KIF16B: variants seen among roughly 807,000 people sequenced by gnomAD.
KIF16B encodes the protein kinesin-like protein KIF16B.
KIF16B carries 98 observed loss-of-function variants against 156.3 expected under a neutral mutation model. The observed-to-expected ratio is 0.63, with a 90% confidence interval of 0.53 to 0.74. The LOEUF (loss-of-function observed/expected upper bound fraction) is 0.74. KIF16B is among the 30% of genes least tolerant of loss of function. The pLI is 0.00. For missense variants in KIF16B, 1,421 were observed against 1,606.5 expected, an observed-to-expected ratio of 0.88 and a Z score of 1.97; for synonymous variants, 564 against 583.7, an observed-to-expected ratio of 0.97 and a Z score of 0.49.
At chr20:16,283,431 G>A (rs2063176747) in intron 25 of KIF16B, among the ~76,000 whole-genome samples, 1 of 151,748 alleles carries the variant, frequency 6.6e-6, no homozygotes, top group Non-Finnish European at 1.5e-5. Context: ...CTACTGCTTG[G>A]TGACTGGCAG....
chr20:16,323,047 T>C (rs2063794053), intron 24 of KIF16B, among the ~76,000 whole-genome samples: 1 of 152,060 alleles, frequency 6.6e-6, no homozygotes, highest in Non-Finnish European at 1.5e-5. Flanking sequence ...GGGTTATAAA[T>C]CACTGAAAGG....
intron 24 of KIF16B, among the ~76,000 whole-genome samples, chr20:16,318,410 G>C (rs948135403): frequency 6.6e-5 from 10 of 152,124 alleles, no homozygotes; most frequent in African/African-American, 2.4e-4. Context: ...GAAAATAAGG[G>C]TAATAAAGAG....
chr20:16,472,868 T>G (rs1243023569), intron 12 of KIF16B, among the ~76,000 whole-genome samples: 2 of 152,162 alleles, frequency 1.3e-5, no homozygotes, highest in Non-Finnish European at 2.9e-5. Context: ...ACCGTTTGTT[T>G]TGAGTTAAAC....
intron 12 of KIF16B, among the ~76,000 whole-genome samples, chr20:16,471,480 G>T (rs938415480): frequency 1.3e-5 from 2 of 152,152 alleles, no homozygotes; most frequent in Admixed American, 6.5e-5. Context: ...GTATAATTTT[G>T]TATCATCACA....
chr20:16,545,982 C>T (rs2070391554), intron 1 of KIF16B, among the ~76,000 whole-genome samples: 1 of 151,958 alleles, frequency 6.6e-6, no homozygotes, highest in Non-Finnish European at 1.5e-5. Flanking sequence ...TGCCATATAC[C>T]AGCTAGGGAA....
At chr20:16,431,441 T>C (rs2066496627) in intron 12 of KIF16B, among the ~76,000 whole-genome samples, 1 of 152,146 alleles carries the variant, frequency 6.6e-6, no homozygotes, top group Non-Finnish European at 1.5e-5. Context: ...AGAGGCAACT[T>C]GCTGCTCTTC....
intron 1 of KIF16B, among the ~76,000 whole-genome samples, chr20:16,572,011 T>A (rs995593447): frequency 6.6e-6 from 1 of 152,204 alleles, no homozygotes; most frequent in African/African-American, 2.4e-5. Context: ...TCTATACACA[T>A]GAAAATCCAT....
intron 1 of KIF16B, among the ~76,000 whole-genome samples, chr20:16,544,224 C>T (rs577594231): frequency 5.3e-5 from 8 of 152,086 alleles, no homozygotes; most frequent in Non-Finnish European, 1.0e-4. Flanking sequence ...CACAAAGACC[C>T]GCCTCTGTGA....
At chr20:16,360,196 A>G (rs1269516887) in intron 22 of KIF16B, among the ~76,000 whole-genome samples, 1 of 152,188 alleles carries the variant, frequency 6.6e-6, no homozygotes, top group African/African-American at 2.4e-5. Flanking sequence ...TTCTCAGGGT[A>G]CAGTGTAAAA....
chr20:16,463,842 ATAT>A (rs1362350508), intron 12 of KIF16B, among the ~76,000 whole-genome samples: 1 of 152,230 alleles, frequency 6.6e-6, no homozygotes, highest in East Asian at 1.9e-4. Flanking sequence ...AGTTGCCAGC[ATAT>A]AGAGTATTAA....
Position 16,380,049 on chromosome 20 carries a change from A to G in KIF16B, c.1953T>C (p.Ile651=). The change falls in exon 19 of 26, where the codon ATT becomes ATC. Residue 651 remains isoleucine, a synonymous_variant. Coordinates refer to ENST00000354981, the MANE Select transcript of KIF16B (RefSeq NM_024704.5). ...GTTTGAGGCTCTCCTCCTGCTTGCG[A>G]ATCTGGAGCTGCACGATTTCTGTCT... ...RKETEIVQLQ[I]RKQEESLKRR... The G allele has an allele frequency of 6.4e-7, 1 of 1,571,750 alleles. No homozygotes were observed. Among genetic ancestry groups the G allele is most frequent in the Non-Finnish European group, 8.6e-7 (1 of 1,162,950 alleles).
intron 12 of KIF16B, among the ~76,000 whole-genome samples, chr20:16,443,778 C>T (rs2066863954): frequency 6.6e-6 from 1 of 152,032 alleles, no homozygotes; most frequent in African/African-American, 2.4e-5. Flanking sequence ...CTGCATATGG[C>T]CCCAATAGTT....
intron 25 of KIF16B, among the ~76,000 whole-genome samples, chr20:16,290,579 T>G (rs2063300385): frequency 1.3e-5 from 2 of 152,302 alleles, no homozygotes; most frequent in African/African-American, 2.4e-5. Context: ...TGCCTGATGC[T>G]CCTGTGAGAC....
intron 17 of KIF16B, among the ~76,000 whole-genome samples, chr20:16,393,456 G>A (rs893831350): frequency 6.6e-6 from 1 of 152,188 alleles, no homozygotes; most frequent in Non-Finnish European, 1.5e-5. Context: ...GGGAGTTGCT[G>A]GTGATGGTTA....
At chr20:16,276,645 C>G (rs1216971466) in intron 25 of KIF16B, among the ~76,000 whole-genome samples, 2 of 151,944 alleles carry the variant, frequency 1.3e-5, no homozygotes, top group Non-Finnish European at 2.9e-5. Flanking sequence ...TGGCCATGTC[C>G]AGAGCCACAT....
intron 24 of KIF16B, among the ~76,000 whole-genome samples, chr20:16,317,242 A>C (rs1022477114): frequency 1.3e-5 from 2 of 152,228 alleles, no homozygotes; most frequent in Non-Finnish European, 2.9e-5. Flanking sequence ...GGAACAGTGA[A>C]TGACAATCTG....
intron 12 of KIF16B, among the ~76,000 whole-genome samples, chr20:16,442,663 T>C (rs1228869024): frequency 1.3e-5 from 2 of 152,000 alleles, no homozygotes; most frequent in Admixed American, 6.6e-5. Flanking sequence ...TTCTTTCACA[T>C]AAAATTGGAG....
intron 17 of KIF16B, 62 bp from the exon 18 acceptor site, chr20:16,381,809 C>A: frequency 7.5e-7 from 1 of 1,336,260 alleles, no homozygotes; most frequent in Non-Finnish European, 1.1e-6. Context: ...CTCTCTCACT[C>A]TCTGTATACA....
intron 15 of KIF16B, among the ~76,000 whole-genome samples, chr20:16,408,336 C>T (rs889045373): frequency 6.6e-6 from 1 of 152,118 alleles, no homozygotes; most frequent in African/African-American, 2.4e-5. Context: ...ATTTGCTTAT[C>T]CCTGTCATGC....
Sources: gnomAD v4.1 joint callset for allele counts (sites outside exome capture counted in the v4.1 genomes callset) on GRCh38, gnomAD v4.1.1 for gene constraint, MANE v1.5 for transcripts, NCBI Gene and HGNC (gene_info 2026-07-23, HGNC 2026-07-21) for gene names.